Variants in TACR3 observed in about 807,000 individuals in gnomAD.
TACR3 encodes tachykinin receptor 3, also known as neuromedin-K receptor.
In TACR3, 34 loss-of-function variants were observed where a neutral mutation model predicts 35.0. That is an observed-to-expected ratio of 0.97 (90% CI 0.74 to 1.30). The LOEUF is 1.30. Ranked by LOEUF, TACR3 falls within the 50% of genes most tolerant of loss-of-function variation. The probability of loss-of-function intolerance (pLI) is 0.00; values close to 1 mark genes in which losing one functional copy is unlikely to be tolerated. For synonymous variants in TACR3, 233 were observed against 221.1 expected, an observed-to-expected ratio of 1.05 and a Z score of -0.48; for missense variants, 558 against 591.7, an observed-to-expected ratio of 0.94 and a Z score of 0.59.
At chr4:103,713,061 G>C (rs1203686359) in intron 1 of TACR3, among the ~76,000 whole-genome samples, 1 of 152,146 alleles carries the variant, frequency 6.6e-6, no homozygotes, top group African/African-American at 2.4e-5. Flanking sequence ...GTGGAAGACA[G>C]TGTGGCGATT....
intron 1 of TACR3, among the ~76,000 whole-genome samples, chr4:103,707,770 G>A (rs1347415346): frequency 6.6e-6 from 1 of 152,130 alleles, no homozygotes; most frequent in Admixed American, 6.5e-5. Context: ...AGCTGTGACA[G>A]ACGGCACATG....
At chr4:103,604,178 G>C (rs1383541716) in intron 3 of TACR3, among the ~76,000 whole-genome samples, 6 of 152,144 alleles carry the variant, frequency 3.9e-5, no homozygotes, top group Non-Finnish European at 8.8e-5. Flanking sequence ...CATGGTACTG[G>C]TACCAAAACA....
At chr4:103,594,642 C>T (rs1723966271) in intron 3 of TACR3, among the ~76,000 whole-genome samples, 1 of 152,088 alleles carries the variant, frequency 6.6e-6, no homozygotes, top group South Asian at 2.1e-4. Flanking sequence ...CCGACAATTG[C>T]TGAAAACCTA....
At chr4:103,596,213 G>A (rs1487659459) in intron 3 of TACR3, among the ~76,000 whole-genome samples, 2 of 151,446 alleles carry the variant, frequency 1.3e-5, no homozygotes, top group Non-Finnish European at 2.9e-5. Flanking sequence ...ATAAACATAC[G>A]TGTGCATGTG....
intron 3 of TACR3, among the ~76,000 whole-genome samples, chr4:103,602,742 C>T (rs765047967): frequency 2.0e-5 from 3 of 152,158 alleles, no homozygotes; most frequent in Non-Finnish European, 4.4e-5. Flanking sequence ...CTGATCGTTC[C>T]TGTGGAAGTT....
At position 103,659,614 on chromosome 4, in the gene TACR3, G is replaced by A. The variant is rs200706704; in HGVS notation, c.549-1211C>T. On this transcript the variant is annotated intron_variant, in intron 1 of 4. Coordinates refer to ENST00000304883, the MANE Select transcript of TACR3 (RefSeq NM_001059.3). Reference sequence around the variant, plus strand: ...CATACTGCCTCATGAACATCTTCATGGTGCCTATCTGTGTAACTACATATA... The same window carrying A: ...CATACTGCCTCATGAACATCTTCATAGTGCCTATCTGTGTAACTACATATA... Among the ~76,000 whole-genome samples, 8 of 152,142 alleles carry A rather than the reference G, an allele frequency of 5.3e-5. 1 individual carries two copies. The East Asian group carries it at 1.5e-3, about 29-fold the overall frequency.
intron 3 of TACR3, among the ~76,000 whole-genome samples, chr4:103,629,573 C>T (rs1724994639): frequency 6.6e-6 from 1 of 151,998 alleles, no homozygotes; most frequent in Non-Finnish European, 1.5e-5. Context: ...CCTGGGAATC[C>T]AACTTACAAG....
intron 3 of TACR3, among the ~76,000 whole-genome samples, chr4:103,599,913 T>C (rs1431732720): frequency 6.6e-6 from 1 of 152,138 alleles, no homozygotes; most frequent in African/African-American, 2.4e-5. Context: ...GGTCTAAAAT[T>C]CTCTTTTTTG....
chr4:103,680,562 T>G (rs915744398), intron 1 of TACR3, among the ~76,000 whole-genome samples: 2 of 149,746 alleles, frequency 1.3e-5, no homozygotes, highest in Non-Finnish European at 3.0e-5. Context: ...TATATATCAC[T>G]TAATATATAT....
At chr4:103,627,922 G>T (rs4373159) in intron 3 of TACR3, among the ~76,000 whole-genome samples, 16,419 of 152,130 alleles carry the variant, frequency 0.11, 914 homozygotes, top group African/African-American at 0.12. Flanking sequence ...AAACGTAAAA[G>T]AACAGAAATC....
intron 3 of TACR3, among the ~76,000 whole-genome samples, chr4:103,613,154 A>G (rs1284988135): frequency 1.3e-5 from 2 of 152,222 alleles, no homozygotes; most frequent in East Asian, 3.9e-4. Context: ...GGTGAAAATA[A>G]GTCTTTGTAT....
intron 3 of TACR3, among the ~76,000 whole-genome samples, chr4:103,628,747 G>A (rs1436138177): frequency 6.6e-6 from 1 of 152,162 alleles, no homozygotes; most frequent in African/African-American, 2.4e-5. Flanking sequence ...CATTCCTTGT[G>A]AAACTATTCC....
rs912182584 is a variant in TACR3 at position 103,705,478 on chromosome 4, C to T, written c.548+13650G>A. 4.0e-4 allele frequency among the ~76,000 whole-genome samples: 61 copies of T among 152,142 alleles called. 1 individual carries two copies. The highest frequency in any genetic ancestry group is 2.9e-3 in the Admixed American group (44 of 15,278). On this transcript the variant is annotated intron_variant, in intron 1 of 4. Coordinates refer to ENST00000304883, the MANE Select transcript of TACR3 (RefSeq NM_001059.3). Reference sequence around the variant, plus strand: ...TGCAAAGGGGACTAAGAACATTCAGCCTGCCTTTATGGTACTTACAAGTCT... The same window carrying T: ...TGCAAAGGGGACTAAGAACATTCAGTCTGCCTTTATGGTACTTACAAGTCT...
chr4:103,678,788 A>G (rs1726227104), intron 1 of TACR3, among the ~76,000 whole-genome samples: 1 of 126,714 alleles, frequency 7.9e-6, no homozygotes, highest in South Asian at 2.4e-4. Flanking sequence ...AATAAAAGGT[A>G]GTTGCTTTTT....
chr4:103,614,884 G>GTTT lies in TACR3; in HGVS notation c.889-23204_889-23202dup, dbSNP rs71580414. 1.4e-3 allele frequency among the ~76,000 whole-genome samples: 103 copies of GTTT among 72,056 alleles called. 10 individuals are homozygous for GTTT. The highest frequency in any genetic ancestry group is 4.1e-3 in the African/African-American group (68 of 16,624). 47.3% of individuals were successfully genotyped at this position (72,056 alleles called of 152,430 possible). The stretch of plus-strand genomic sequence containing the variant: ...TATAACCTAAGTTGATTATGAATGT[G>GTTT]TTTTTTTTTTTTTTTTTTTTTTTTT... On this transcript the variant is annotated intron_variant, in intron 3 of 4. Coordinates refer to ENST00000304883, the MANE Select transcript of TACR3 (RefSeq NM_001059.3).
Position 103,719,124 on chromosome 4 carries a change from T to C in TACR3, c.548+4A>G. ...TCTTTCCTCTCTGTCTGTCCTCTCC[T>C]CACCTGTCCACCGCAATGGCCGTCA... On this transcript the variant is annotated splice_donor_region_variant and intron_variant, in intron 1 of 4. Transcript: ENST00000304883. The C allele has an allele frequency of 2.5e-6, 4 of 1,614,182 alleles. No homozygotes were observed. Among genetic ancestry groups the C allele is most frequent in the Non-Finnish European group, 3.4e-6 (4 of 1,180,038 alleles).
At chr4:103,654,708 T>A (rs1027088458) in intron 3 of TACR3, among the ~76,000 whole-genome samples, 21 of 146,818 alleles carry the variant, frequency 1.4e-4, no homozygotes, top group African/African-American at 5.2e-4. Flanking sequence ...ATAATAAAAT[T>A]AAAAAAAAAA....
intron 1 of TACR3, among the ~76,000 whole-genome samples, chr4:103,658,984 T>C: frequency 6.6e-6 from 1 of 152,150 alleles, no homozygotes; most frequent in East Asian, 1.9e-4. Flanking sequence ...CGACAGATCA[T>C]CACACATTAA....
At chr4:103,623,118 C>A (rs985979932) in intron 3 of TACR3, among the ~76,000 whole-genome samples, 136 of 152,012 alleles carry the variant, frequency 8.9e-4, no homozygotes, top group African/African-American at 3.2e-3. Flanking sequence ...TCCTCCTCTT[C>A]ACAGGAGGAT....
Sources: gnomAD v4.1 joint callset for allele counts (sites outside exome capture counted in the v4.1 genomes callset) on GRCh38, gnomAD v4.1.1 for gene constraint, MANE v1.5 for transcripts, NCBI Gene and HGNC (gene_info 2026-07-23, HGNC 2026-07-21) for gene names.